Variants in PCDHA1 observed in about 807,000 individuals in gnomAD.
The protein encoded by PCDHA1 is protocadherin alpha 1.
In PCDHA1, 42 loss-of-function variants were observed where a neutral mutation model predicts 61.3. That is an observed-to-expected ratio of 0.69 (90% CI 0.54 to 0.89). The LOEUF (loss-of-function observed/expected upper bound fraction) is 0.89. Ranked by LOEUF, PCDHA1 falls within the 40% of genes least tolerant of loss-of-function variation. PCDHA1 has a pLI of 0.00. For synonymous variants in PCDHA1, 610 were observed against 553.8 expected (o/e 1.10, Z -1.43); for missense variants, 1,256 against 1,235.3 (o/e 1.02, Z -0.25).
chr5:140,796,325 C>T lies in PCDHA1; in HGVS notation c.2394+7641C>T, dbSNP rs782053456. On this transcript the variant is annotated intron_variant, in intron 1 of 3. Coordinates refer to ENST00000504120, the MANE Select transcript of PCDHA1 (RefSeq NM_018900.4). ...GCCGACGTGAACGACAACGCGCCGG[C>T]GTTCGCACAGCCTGAGTACACAGTA... is the stretch of plus-strand genomic sequence containing the variant. 6 of 1,613,828 alleles carry T rather than the reference C, an allele frequency of 3.7e-6. No homozygotes were observed. Among genetic ancestry groups the T allele is most frequent in the African/African-American group, 1.3e-5 (1 of 74,930 alleles).
chr5:140,981,726 T>C (rs1554243283), intron 2 of PCDHA1, among the ~76,000 whole-genome samples: 1 of 151,710 alleles, frequency 6.6e-6, no homozygotes, highest in Non-Finnish European at 1.5e-5. Context: ...CCAACAAATA[T>C]TTGAGAGATT....
intron 3 of PCDHA1, among the ~76,000 whole-genome samples, chr5:140,993,102 C>T (rs979360910): frequency 2.6e-5 from 4 of 152,272 alleles, no homozygotes; most frequent in South Asian, 4.1e-4. Flanking sequence ...GTTTATTCAG[C>T]GGTCAGTGTC....
In PCDHA1 at chr5:140,786,612, T is replaced by C. The variant is rs141936897; in HGVS notation, c.322T>C (p.Leu108=). The change falls in exon 1 of 4, where the codon TTG becomes CTG. Residue 108 remains leucine (L), a synonymous_variant. Transcript: ENST00000504120. ...CGCGGAGTGCAGCATCCACCTGGAG[T>C]TGATCGCCGACAGGCCGCTGCAGGT... ...WSAECSIHLE[L]IADRPLQVFH... 4.9e-5 allele frequency: 79 copies of C among 1,614,044 alleles called. No individual in the cohort carries two copies. Among genetic ancestry groups the C allele is most frequent in the East Asian group, 2.0e-4 (9 of 44,888 alleles).
At position 140,849,867 on chromosome 5, in the gene PCDHA1, T is replaced by C. The variant is rs2150454998; in HGVS notation, c.2394+61183T>C. On this transcript the variant is annotated intron_variant, in intron 1 of 3. Coordinates refer to ENST00000504120, the MANE Select transcript of PCDHA1 (RefSeq NM_018900.4). ...CGACAACGCACCAGCGTTCGCGCAG[T>C]CCGAGTACACGGTGTTCGTGAAGGA... The C allele has an allele frequency of 6.1e-5, 97 of 1,598,416 alleles. 5 individuals carry two copies. Among genetic ancestry groups the C allele is most frequent in the Non-Finnish European group, 6.9e-5 (81 of 1,167,974 alleles).
At chr5:140,892,363 G>T (rs1485881453) in intron 1 of PCDHA1, among the ~76,000 whole-genome samples, 1 of 152,120 alleles carries the variant, frequency 6.6e-6, no homozygotes, top group African/African-American at 2.4e-5. Context: ...CAGGCATCTT[G>T]GGGCACTAGC....
chr5:140,967,908 A>G (rs554849478), intron 1 of PCDHA1: 5 of 1,614,138 alleles, frequency 3.1e-6, no homozygotes, highest in East Asian at 2.2e-5. Flanking sequence ...GCTACACCCA[A>G]CACCATTGTG....
chr5:140,850,003 C>G (rs782017581), intron 1 of PCDHA1: 1 of 1,596,910 alleles, frequency 6.3e-7, no homozygotes, highest in African/African-American at 1.3e-5. Context: ...GGCGAGCGCT[C>G]GCTGTCGAGC....
chr5:140,853,024 G>T, intron 1 of PCDHA1: 1 of 260,054 alleles, frequency 3.8e-6, no homozygotes, highest in Non-Finnish European at 6.3e-6. Context: ...GACTACAGGC[G>T]CCTGCCACCA....
chr5:140,809,562 C>A lies in PCDHA1; in HGVS notation c.2394+20878C>A, dbSNP rs781790264. On this transcript the variant is annotated intron_variant, in intron 1 of 3. Coordinates refer to ENST00000504120, the MANE Select transcript of PCDHA1 (RefSeq NM_018900.4). ...GATCAGCTGCAGACAACTGAGGAAT[C>A]CTTTGCAAAGGTTAGTGTATAACAT... 4 of 1,608,188 alleles carry A rather than the reference C, an allele frequency of 2.5e-6. No homozygotes were observed. In the South Asian group the frequency reaches 3.3e-5, roughly 13 times the overall value.
At chr5:140,793,929 A>C (rs1554119040) in intron 1 of PCDHA1, among the ~76,000 whole-genome samples, 1 of 152,248 alleles carries the variant, frequency 6.6e-6, no homozygotes, top group Non-Finnish European at 1.5e-5. Context: ...ATCACAAAAC[A>C]ACAGTATATA....
In PCDHA1 at chr5:140,844,489, A is replaced by G. The variant is rs914075659; in HGVS notation, c.2394+55805A>G. The stretch of plus-strand genomic sequence containing the variant: ...TTTTTTGAGCCTCTATGTTTAGGAA[A>G]TGATTACTTTATTCTTGCAAGTATC... On this transcript the variant is annotated intron_variant, in intron 1 of 3. Coordinates refer to ENST00000504120, the MANE Select transcript of PCDHA1 (RefSeq NM_018900.4). Among the ~76,000 whole-genome samples, 7 of 149,414 alleles carry G rather than the reference A, an allele frequency of 4.7e-5. No individual in the cohort carries two copies. In the South Asian group the frequency reaches 1.5e-3, roughly 32 times the overall value.
chr5:140,899,465 T>C (rs1291429349), intron 1 of PCDHA1, among the ~76,000 whole-genome samples: 2 of 152,232 alleles, frequency 1.3e-5, no homozygotes, highest in African/African-American at 4.8e-5. Context: ...GTTTTTGTCT[T>C]TGGTTCTGTT....
chr5:140,788,771 T>C, intron 1 of PCDHA1, 87 bp downstream of exon 1: 1 of 1,451,450 alleles, frequency 6.9e-7, no homozygotes, highest in Non-Finnish European at 9.1e-7. Context: ...TTAAAAAATG[T>C]CTTCAAGGTG....
chr5:140,943,719 T>C (rs1198620937), intron 1 of PCDHA1, among the ~76,000 whole-genome samples: 2 of 152,126 alleles, frequency 1.3e-5, no homozygotes, highest in Non-Finnish European at 2.9e-5. Context: ...TTTAAAGGTC[T>C]GAGAGAATGA....
intron 1 of PCDHA1, chr5:140,928,181 C>T (rs782130459): frequency 2.5e-6 from 4 of 1,614,186 alleles, no homozygotes; most frequent in Non-Finnish European, 3.4e-6. Flanking sequence ...ACCCGAAGGA[C>T]AATCACTGTG....
intron 1 of PCDHA1, among the ~76,000 whole-genome samples, chr5:140,911,873 A>G (rs980533422): frequency 7.2e-5 from 11 of 152,038 alleles, no homozygotes; most frequent in African/African-American, 2.7e-4. Flanking sequence ...TTCTGGAACC[A>G]CTCCTGGGAC....
At chr5:140,861,384 C>A in intron 1 of PCDHA1, 1 of 437,328 alleles carries the variant, frequency 2.3e-6, no homozygotes, top group Non-Finnish European at 4.7e-6. Flanking sequence ...TGCGCAGGAC[C>A]TGGGTCTGGA....
intron 1 of PCDHA1, chr5:140,836,708 C>G: frequency 6.2e-7 from 1 of 1,613,192 alleles, no homozygotes; most frequent in Non-Finnish European, 8.5e-7. Flanking sequence ...TCAGTCCCAG[C>G]CTTCCTCAGG....
chr5:140,844,325 T>G (rs2150370543), intron 1 of PCDHA1, among the ~76,000 whole-genome samples: 1 of 149,576 alleles, frequency 6.7e-6, no homozygotes, highest in African/African-American at 2.4e-5. Context: ...AATTTTATTA[T>G]AAACTAGTTA....
Sources: allele counts gnomAD v4.1 joint callset (sites outside exome capture counted in the v4.1 genomes callset), GRCh38; gene constraint gnomAD v4.1.1; transcripts MANE v1.5; gene names NCBI Gene and HGNC (gene_info 2026-07-23, HGNC 2026-07-21).